The following WWOX variants were observed in gnomAD, a reference collection of about 807,000 sequenced individuals.
WWOX encodes the protein WW domain containing oxidoreductase.
In WWOX, 69 loss-of-function variants were observed where a neutral mutation model predicts 46.2. The ratio of observed to expected loss-of-function variants is 1.49; its 90% CI spans 1.23 to 1.82. The LOEUF is 1.82. Among genes scored for constraint, WWOX ranks in the 40% most tolerant of loss-of-function variants. The probability of loss-of-function intolerance (pLI) is 0.00; values close to 1 mark genes in which losing one functional copy is unlikely to be tolerated. For missense variants in WWOX, 919 were observed against 542.6 expected (o/e 1.69, Z -6.89); for synonymous variants, 359 against 202.6 (o/e 1.77, Z -6.56).
chr16:79,041,560 G>C (rs2047971814), intron 8 of WWOX, among the ~76,000 whole-genome samples: 1 of 152,154 alleles, frequency 6.6e-6, no homozygotes, highest in Non-Finnish European at 1.5e-5. Context: ...GGAGGGCTGA[G>C]CCTATGACGG....
chr16:78,527,807 G>A (rs2043513265), intron 8 of WWOX, among the ~76,000 whole-genome samples: 1 of 151,564 alleles, frequency 6.6e-6, no homozygotes, highest in African/African-American at 2.4e-5. Flanking sequence ...CAGTTCAGGA[G>A]GGTAGAGGAT....
intron 8 of WWOX, among the ~76,000 whole-genome samples, chr16:79,029,755 A>G (rs922453489): frequency 1.3e-5 from 2 of 152,190 alleles, no homozygotes; most frequent in Non-Finnish European, 2.9e-5. Context: ...GCTTCCAGGA[A>G]TCTCAATTAT....
At chr16:78,583,886 C>T (rs1289552518) in intron 8 of WWOX, among the ~76,000 whole-genome samples, 1 of 152,196 alleles carries the variant, frequency 6.6e-6, no homozygotes, top group Non-Finnish European at 1.5e-5. Flanking sequence ...TGTTGCATAC[C>T]TGTTTGGGGG....
intron 8 of WWOX, among the ~76,000 whole-genome samples, chr16:79,029,776 C>A (rs1876976): frequency 2.6e-5 from 4 of 152,056 alleles, no homozygotes; most frequent in African/African-American, 9.6e-5. Flanking sequence ...TAATTGTACC[C>A]TGGATTTATT....
chr16:78,970,514 A>G (rs1329461924), intron 8 of WWOX, among the ~76,000 whole-genome samples: 1 of 152,184 alleles, frequency 6.6e-6, no homozygotes, highest in Non-Finnish European at 1.5e-5. Context: ...GACCCAAGGC[A>G]TTGTGTTTGA....
intron 8 of WWOX, among the ~76,000 whole-genome samples, chr16:78,442,444 C>T (rs551149127): frequency 2.4e-4 from 36 of 152,234 alleles, no homozygotes; most frequent in African/African-American, 7.7e-4. Flanking sequence ...TTATCACCCC[C>T]TCCCACTTCC....
chr16:78,555,277 A>C (rs1243404255), intron 8 of WWOX, among the ~76,000 whole-genome samples: 1 of 151,868 alleles, frequency 6.6e-6, no homozygotes, highest in African/African-American at 2.4e-5. Context: ...GAAAGGAAGC[A>C]TTTTTCAACC....
chr16:78,379,155 A>T (rs1018318859), intron 5 of WWOX, among the ~76,000 whole-genome samples: 58 of 152,348 alleles, frequency 3.8e-4, no homozygotes, highest in African/African-American at 1.3e-3. Context: ...GCATGTCATC[A>T]GTGCTTATTA....
chr16:79,106,582 A>ATTTTTTTTTTTTTTTTTTTTTTTT (rs752318131), intron 8 of WWOX: 2 of 79,524 alleles, frequency 2.5e-5, no homozygotes, highest in African/African-American at 1.1e-4. Flanking sequence ...TCTTAAAATA[A>ATTTTTTTTTTTTTTTTTTTTTTTT]TTTTTTTTTT....
intron 8 of WWOX, among the ~76,000 whole-genome samples, chr16:78,694,853 G>A: frequency 6.6e-6 from 1 of 150,882 alleles, no homozygotes. Context: ...ATTCTGCTAT[G>A]TATCTTTACA....
chr16:78,568,299 T>A (rs1458114033), intron 8 of WWOX, among the ~76,000 whole-genome samples: 1 of 151,990 alleles, frequency 6.6e-6, no homozygotes, highest in Admixed American at 6.6e-5. Context: ...TTCCTACTTA[T>A]CATTACTTTG....
chr16:78,377,511 A>C (rs1316690865), intron 5 of WWOX, among the ~76,000 whole-genome samples: 1 of 152,194 alleles, frequency 6.6e-6, no homozygotes, highest in Admixed American at 6.5e-5. Context: ...GTAAATCATC[A>C]CTTACATTAG....
At chr16:78,775,086 T>A (rs1453129737) in intron 8 of WWOX, among the ~76,000 whole-genome samples, 1 of 151,844 alleles carries the variant, frequency 6.6e-6, no homozygotes, top group Non-Finnish European at 1.5e-5. Flanking sequence ...AGAAGAAGAG[T>A]GACAGAGTCA....
intron 8 of WWOX, among the ~76,000 whole-genome samples, chr16:79,174,602 C>G (rs546561521): frequency 6.6e-6 from 1 of 152,140 alleles, no homozygotes; most frequent in Non-Finnish European, 1.5e-5. Flanking sequence ...GAGCCGAGAT[C>G]GCACCATTGC....
chr16:78,757,072 T>C, intron 8 of WWOX: 1 of 700,934 alleles, frequency 1.4e-6, no homozygotes, highest in South Asian at 1.5e-5. Flanking sequence ...TTGAGGTGAT[T>C]GCAGCCTTTG....
intron 8 of WWOX, among the ~76,000 whole-genome samples, chr16:78,651,847 G>T (rs141621225): frequency 6.6e-6 from 1 of 152,120 alleles, no homozygotes; most frequent in Admixed American, 6.5e-5. Context: ...TTATTCTTTC[G>T]GAGCCTTAGT....
chr16:78,684,072 C>A (rs7193360), intron 8 of WWOX, among the ~76,000 whole-genome samples: 14,449 of 152,194 alleles, frequency 0.095, 1,250 homozygotes, highest in African/African-American at 0.23. Context: ...CTCGCACATG[C>A]TTCCTTTTTA....
At chr16:78,106,166 T>A (rs370941467) in intron 1 of WWOX, among the ~76,000 whole-genome samples, 1 of 152,208 alleles carries the variant, frequency 6.6e-6, no homozygotes, top group South Asian at 2.1e-4. Context: ...GATGTGTGCC[T>A]ATGAGATAAA....
chr16:78,366,528 A>C (rs4131558), intron 5 of WWOX, among the ~76,000 whole-genome samples: 78,224 of 152,012 alleles, frequency 0.51, 21,830 homozygotes, highest in Non-Finnish European at 0.64. Context: ...AGGGGACTAC[A>C]CTCTTATTCT....
Sources: gnomAD v4.1 joint callset for allele counts (sites outside exome capture counted in the v4.1 genomes callset) on GRCh38, gnomAD v4.1.1 for gene constraint, MANE v1.5 for transcripts, NCBI Gene and HGNC (gene_info 2026-07-23, HGNC 2026-07-21) for gene names.